CELF2: variants seen among roughly 807,000 people sequenced by gnomAD.
The protein encoded by CELF2 is CUG triplet repeat RNA-binding protein 2.
CELF2 carries 8 observed loss-of-function variants against 62.6 expected under a neutral mutation model. The observed-to-expected ratio is 0.13, with a 90% CI of 0.07 to 0.23. The LOEUF (loss-of-function observed/expected upper bound fraction) is 0.23, where lower values mean the gene tolerates loss of function less well. Among genes scored for constraint, CELF2 ranks in the 10% least tolerant of loss-of-function variants. CELF2 has a pLI of 1.00. For synonymous variants in CELF2, 258 were observed against 250.0 expected, an observed-to-expected ratio of 1.03 and a Z score of -0.30; for missense variants, 333 against 671.0, an observed-to-expected ratio of 0.50 and a Z score of 5.56.
At chr10:11,001,011 T>C (rs1330504265), upstream of CELF2, among the ~76,000 whole-genome samples, 1 of 152,216 alleles carries the variant, frequency 6.6e-6, no homozygotes, top group African/African-American at 2.4e-5. Context: ...GTGTCTTCAG[T>C]GTGACATCAG....
intron 1 of CELF2, among the ~76,000 whole-genome samples, chr10:10,850,962 T>G (rs1053459918): frequency 2.6e-5 from 4 of 152,030 alleles, no homozygotes; most frequent in Non-Finnish European, 5.9e-5. Flanking sequence ...CCCCCCACCA[T>G]GCCTGGCTAA....
At chr10:10,800,375 CAGTT>C (rs2054540723) in intron 1 of CELF2, among the ~76,000 whole-genome samples, 2 of 151,748 alleles carry the variant, frequency 1.3e-5, no homozygotes, top group Non-Finnish European at 2.9e-5. Flanking sequence ...TTTTGAGATG[CAGTT>C]TCACTCTTGT....
intron 2 of CELF2, among the ~76,000 whole-genome samples, chr10:10,949,167 C>T (rs936632016): frequency 6.6e-6 from 1 of 152,136 alleles, no homozygotes; most frequent in African/African-American, 2.4e-5. Flanking sequence ...GTCCTCTATA[C>T]ATGTGTTCCC....
chr10:10,875,905 C>G (rs2061058564), intron 1 of CELF2, among the ~76,000 whole-genome samples: 1 of 152,200 alleles, frequency 6.6e-6, no homozygotes, highest in Non-Finnish European at 1.5e-5. Flanking sequence ...CAACTGCTCT[C>G]TGTACTTCTA....
chr10:11,251,105 C>T (rs1257174820), intron 4 of CELF2, among the ~76,000 whole-genome samples: 1 of 151,998 alleles, frequency 6.6e-6, no homozygotes, highest in Non-Finnish European at 1.5e-5. Flanking sequence ...CTCCATGATA[C>T]TCTAAACTGT....
the CELF2 span, among the ~76,000 whole-genome samples, chr10:10,713,748 G>C: frequency 6.6e-6 from 1 of 152,106 alleles, no homozygotes; most frequent in Non-Finnish European, 1.5e-5. Context: ...GAAAATATGG[G>C]GATAGGCCGG....
rs1322948001 is a variant in CELF2, at chr10:10,947,851, G to A, written c.89+27852G>A. On this transcript the variant is annotated intron_variant, in intron 2 of 13. Transcript: ENST00000636488. This position sits in a 1 kb window ranked among gnomAD's most constrained non-coding sequence, Gnocchi z 4.1. The stretch of plus-strand genomic sequence containing the variant: ...GAAAGTCTTCATGAAGAGTGTATTG[G>A]AGCAAGCCAGCAGAGGAGAGGTGGG... Among the ~76,000 whole-genome samples, 3 of 152,184 alleles carry A rather than the reference G, an allele frequency of 2.0e-5. No homozygotes were observed. Among genetic ancestry groups the A allele is most frequent in the Non-Finnish European group, 2.9e-5 (2 of 68,034 alleles).
rs377420232 is a variant in CELF2, at chr10:11,156,708, C to T, written c.75-8778C>T. Among the ~76,000 whole-genome samples the T allele has an allele frequency of 6.6e-6, 1 of 152,284 alleles. No homozygotes were observed. The highest frequency in any genetic ancestry group is 1.9e-4 in the East Asian group (1 of 5,180). ...CAGGATGTCACACTTCCACCATGCA[C>T]TTGATGGGGCTTCCGTGAATCGCTG... is the stretch of plus-strand genomic sequence containing the variant. On this transcript the variant is annotated intron_variant, in intron 1 of 12. Transcript: ENST00000633077. This position sits in a 1 kb window ranked among gnomAD's most constrained non-coding sequence, Gnocchi z 4.3.
At chr10:10,664,489 C>G in the CELF2 span, among the ~76,000 whole-genome samples, 2 of 152,100 alleles carry the variant, frequency 1.3e-5, no homozygotes, top group Non-Finnish European at 2.9e-5. Flanking sequence ...ACAAAGACAC[C>G]ACGTGAATTT....
Position 11,214,545 on chromosome 10 carries a change from G to A in CELF2, c.272-2880G>A, listed in dbSNP as rs980972398. On this transcript the variant is annotated intron_variant, in intron 2 of 12. Coordinates refer to ENST00000633077, the MANE Select transcript of CELF2 (RefSeq NM_001326342.2). This position sits in a 1 kb window ranked among gnomAD's most constrained non-coding sequence, Gnocchi z 4.2. ...GCCATGGACTGTGGCAAGGAGCTAC[G>A]CCCACCTGGAGATGGGATCCCCTCT... Among the ~76,000 whole-genome samples the A allele has an allele frequency of 4.6e-5, 7 of 152,204 alleles. No homozygotes were observed. The highest frequency in any genetic ancestry group is 2.1e-4 in the South Asian group (1 of 4,828).
At chr10:10,667,126 G>A in the CELF2 span, among the ~76,000 whole-genome samples, 3 of 152,194 alleles carry the variant, frequency 2.0e-5, no homozygotes, top group Non-Finnish European at 1.5e-5. Context: ...AATATTTTAA[G>A]ATGTCAGGGC....
At chr10:10,824,915 C>T (rs978925162) in intron 1 of CELF2, among the ~76,000 whole-genome samples, 3 of 152,184 alleles carry the variant, frequency 2.0e-5, no homozygotes, top group African/African-American at 7.2e-5. Context: ...TGGACCTGGG[C>T]CACCTAATGG....
chr10:10,728,624 G>A, the CELF2 span, among the ~76,000 whole-genome samples: 15 of 152,048 alleles, frequency 9.9e-5, no homozygotes, highest in African/African-American at 3.4e-4. Flanking sequence ...AGGAGAGGGT[G>A]GGGGACAGCA....
rs570214998 is a variant in CELF2, at chr10:10,981,426, T to A, written c.89+61427T>A. Among the ~76,000 whole-genome samples, 127 of 152,336 alleles carry A rather than the reference T, an allele frequency of 8.3e-4. 2 individuals are homozygous for A. Among genetic ancestry groups the A allele is most frequent in the South Asian group, 2.1e-3 (10 of 4,830 alleles). The stretch of plus-strand genomic sequence containing the variant: ...GGCCGGCATATGTGGTCTAATAGAT[T>A]CAAGGTTGAAGAATCCGCAGCGACG... On this transcript the variant is annotated intron_variant, in intron 2 of 13. Coordinates refer to the CELF2 transcript ENST00000636488.
chr10:10,924,724 CT>C lies in CELF2; in HGVS notation c.89+4743del, dbSNP rs745848953. Among the ~76,000 whole-genome samples the C allele has an allele frequency of 3.1e-3, 280 of 89,156 alleles. 5 individuals carry two copies. The highest frequency in any genetic ancestry group is 9.3e-3 in the African/African-American group (196 of 21,152). 58.5% of individuals were successfully genotyped at this position (89,156 alleles called of 152,430 possible). ...GTATATTAATCCAGTAACTTGATCGCTTTTTTTTTTTTTTTTTTGCCTTCTG... is the reference window on the plus strand; with the variant it reads ...GTATATTAATCCAGTAACTTGATCGCTTTTTTTTTTTTTTTTTGCCTTCTG... On this transcript the variant is annotated intron_variant, in intron 2 of 13. Coordinates refer to the CELF2 transcript ENST00000636488.
intron 1 of CELF2, chr10:11,092,248 C>T (rs918725938): frequency 1.3e-5 from 2 of 152,202 alleles, no homozygotes; most frequent in Non-Finnish European, 2.9e-5. Flanking sequence ...GCTTCTCCCC[C>T]TCAACTTTTA....
chr10:10,989,164 C>A (rs1049248151), intron 2 of CELF2, among the ~76,000 whole-genome samples: 1 of 152,076 alleles, frequency 6.6e-6, no homozygotes, highest in African/African-American at 2.4e-5. Context: ...AGCTAGTATT[C>A]TAAATACATT....
chr10:11,151,279 A>G (rs944216655), intron 1 of CELF2, among the ~76,000 whole-genome samples: 3 of 152,170 alleles, frequency 2.0e-5, no homozygotes, highest in Non-Finnish European at 4.4e-5. Flanking sequence ...TTTGGCCCCT[A>G]TTAAAGAACC....
chr10:11,314,926 C>T lies in CELF2; in HGVS notation c.1096+668C>T, dbSNP rs1565940845. On this transcript the variant is annotated intron_variant, in intron 10 of 12. Transcript: ENST00000633077. This position sits in a 1 kb window ranked among gnomAD's most constrained non-coding sequence, Gnocchi z 5.3. ...CTACATCAGTGACCATCCAGAGGGA[C>T]ATCATTTAGCTGTGGCAGGTTGAAA... 1 of 153,788 alleles carries T rather than the reference C, an allele frequency of 6.5e-6. No homozygotes were observed. Among genetic ancestry groups the T allele is most frequent in the Non-Finnish European group, 1.4e-5 (1 of 69,298 alleles). The allele number at this position is 153,788 out of a possible 1,614,324, so 9.5% of individuals were successfully genotyped here.
Sources: allele counts gnomAD v4.1 joint callset (sites outside exome capture counted in the v4.1 genomes callset), GRCh38; gene constraint gnomAD v4.1.1; non-coding constraint Gnocchi (gnomAD v3.1); transcripts MANE v1.5; gene names NCBI Gene and HGNC (gene_info 2026-07-23, HGNC 2026-07-21).